Variants in SLC25A37 observed in about 807,000 individuals in gnomAD.
The protein encoded by SLC25A37 is mitoferrin-1.
In SLC25A37, 17 loss-of-function variants were observed where a neutral mutation model predicts 31.0. The observed-to-expected ratio is 0.55, with a 90% CI of 0.38 to 0.82. SLC25A37 has a LOEUF of 0.82. Ranked by LOEUF, SLC25A37 falls within the 40% of genes least tolerant of loss-of-function variation. The pLI, the probability that SLC25A37 is intolerant of heterozygous loss-of-function variation, is 0.00. For synonymous variants in SLC25A37, 222 were observed against 193.0 expected, an observed-to-expected ratio of 1.15 and a Z score of -1.24; for missense variants, 404 against 465.8, an observed-to-expected ratio of 0.87 and a Z score of 1.22.
At chr8:23,548,256 G>C (rs1473583581) in intron 1 of SLC25A37, among the ~76,000 whole-genome samples, 1 of 152,066 alleles carries the variant, frequency 6.6e-6, no homozygotes, top group African/African-American at 2.4e-5. Flanking sequence ...TCGGTTCACT[G>C]CAACCTCTGC....
Position 23,571,895 on chromosome 8 carries a change from G to T in SLC25A37, c.*40G>T. On this transcript the variant is annotated 3_prime_UTR_variant, in exon 4 of 4. Coordinates refer to ENST00000519973, the MANE Select transcript of SLC25A37 (RefSeq NM_016612.4). ...GAATCTTTTCTTAAAGTCATTCTCT[G>T]CCTGCATCCAGCCCCTTGCCCTCTC... 2 of 1,591,602 alleles carry T rather than the reference G, an allele frequency of 1.3e-6. No homozygotes were observed. Among genetic ancestry groups the T allele is most frequent in the South Asian group, 2.3e-5 (2 of 88,602 alleles).
chr8:23,541,268 G>A (rs1010282858), intron 1 of SLC25A37, among the ~76,000 whole-genome samples: 7 of 152,342 alleles, frequency 4.6e-5, no homozygotes, highest in Admixed American at 2.0e-4. Context: ...GTTTGAGGAC[G>A]TCTGTGGGAT....
At chr8:23,568,745 C>A in intron 3 of SLC25A37, 1 of 268,934 alleles carries the variant, frequency 3.7e-6, no homozygotes, top group South Asian at 4.2e-5. Context: ...GAGTTCGAGA[C>A]CAGCCTGGCC....
rs1216781759 is a variant in SLC25A37 at position 23,571,658 on chromosome 8, A to G, written c.820A>G (p.Asn274Asp). The G allele has an allele frequency of 1.2e-6, 2 of 1,613,878 alleles. No homozygotes were observed. Among genetic ancestry groups the G allele is most frequent in the Non-Finnish European group, 1.7e-6 (2 of 1,179,904 alleles). The stretch of plus-strand genomic sequence containing the variant: ...GGAGAACGTGGCCCTCTCGCTGGCC[A>G]ACATCAGCGGCCGGCTGTCGGGTAT... The part of the protein sequence containing the change: ...TQENVALSLA[N>D]ISGRLSGMAN... The change falls in exon 4 of 4, where the codon AAC (asparagine) becomes GAC (aspartate). Residue 274 changes from asparagine to aspartate, a missense_variant. Physicochemically the swap from Asn to Asp is conservative, Grantham distance 23. Transcript: ENST00000519973.
At chr8:23,557,391 C>G (rs1179633954) in intron 1 of SLC25A37, among the ~76,000 whole-genome samples, 2 of 152,128 alleles carry the variant, frequency 1.3e-5, no homozygotes, top group Non-Finnish European at 2.9e-5. Context: ...TCTAAGGATG[C>G]TGGAAGGTGA....
chr8:23,528,982 T>A lies in SLC25A37; in HGVS notation c.-21T>A. Reference sequence around the variant, plus strand: ...TCCCTGCCCACCTCCTGCAGCCTCCTGCGCCCCGCCGAGCTGGCGGATGGA... The same window carrying A: ...TCCCTGCCCACCTCCTGCAGCCTCCAGCGCCCCGCCGAGCTGGCGGATGGA... On this transcript the variant is annotated 5_prime_UTR_variant, in exon 1 of 4. Coordinates refer to ENST00000519973, the MANE Select transcript of SLC25A37 (RefSeq NM_016612.4). The A allele has an allele frequency of 2.7e-6, 4 of 1,476,456 alleles. No homozygotes were observed. Among genetic ancestry groups the A allele is most frequent in the Non-Finnish European group, 3.6e-6 (4 of 1,111,796 alleles). The allele number at this position is 1,476,456 out of a possible 1,614,324, so 91.5% of individuals were successfully genotyped here.
intron 1 of SLC25A37, among the ~76,000 whole-genome samples, chr8:23,549,435 CT>C (rs980317972): frequency 6.6e-6 from 1 of 152,222 alleles, no homozygotes; most frequent in African/African-American, 2.4e-5. Context: ...TCCAATACAA[CT>C]TAAATTGACT....
intron 1 of SLC25A37, among the ~76,000 whole-genome samples, chr8:23,556,326 T>C (rs938110113): frequency 6.6e-6 from 1 of 151,290 alleles, no homozygotes. Flanking sequence ...GCTCAAGTGA[T>C]CCTCTCACCT....
chr8:23,528,972 T>A lies in SLC25A37; in HGVS notation c.-31T>A, dbSNP rs760219754. On this transcript the variant is annotated 5_prime_UTR_variant, in exon 1 of 4. Coordinates refer to ENST00000519973, the MANE Select transcript of SLC25A37 (RefSeq NM_016612.4). The stretch of plus-strand genomic sequence containing the variant: ...CCCCTCCCCCTCCCTGCCCACCTCC[T>A]GCAGCCTCCTGCGCCCCGCCGAGCT... 32 of 1,447,306 alleles carry A rather than the reference T, an allele frequency of 2.2e-5. No individual in the cohort carries two copies. The highest frequency in any genetic ancestry group is 2.8e-5 in the Non-Finnish European group (31 of 1,098,176). The allele number at this position is 1,447,306 out of a possible 1,614,324, so 89.7% of individuals were successfully genotyped here. A position where few individuals can be genotyped will look rare whatever the true frequency, so the allele number is the denominator to read the frequency against.
chr8:23,564,891 C>G (rs979355519), intron 1 of SLC25A37, among the ~76,000 whole-genome samples: 1 of 152,132 alleles, frequency 6.6e-6, no homozygotes, highest in African/African-American at 2.4e-5. Context: ...ACCTACCTAC[C>G]TATCTAATCT....
In SLC25A37 at chr8:23,529,348, G is replaced by A; in HGVS notation, c.210+136G>A. The A allele has an allele frequency of 2.7e-6, 2 of 741,066 alleles. No individual in the cohort carries two copies. Among genetic ancestry groups the A allele is most frequent in the Non-Finnish European group, 3.9e-6 (2 of 517,010 alleles). 45.9% of individuals were successfully genotyped at this position (741,066 alleles called of 1,614,324 possible). The stretch of plus-strand genomic sequence containing the variant: ...CCCAGGACCGCGGCTGGCCGGGGTC[G>A]CCCCAGGAGCAGCTGCGCGCAGCCT... On this transcript the variant is annotated intron_variant, in intron 1 of 3. Coordinates refer to ENST00000519973, the MANE Select transcript of SLC25A37 (RefSeq NM_016612.4). This position sits in a 1 kb window ranked among gnomAD's most constrained non-coding sequence, Gnocchi z 4.1.
At chr8:23,532,974 C>T (rs1211480313) in intron 1 of SLC25A37, among the ~76,000 whole-genome samples, 1 of 152,232 alleles carries the variant, frequency 6.6e-6, no homozygotes, top group Non-Finnish European at 1.5e-5. Context: ...CCAAATTGCT[C>T]TAGTTCCTGG....
intron 1 of SLC25A37, among the ~76,000 whole-genome samples, chr8:23,552,853 G>A (rs1023502186): frequency 2.6e-5 from 4 of 152,210 alleles, no homozygotes; most frequent in Admixed American, 6.5e-5. Context: ...AAGTTGGGGA[G>A]GTTGGAGGGG....
At chr8:23,530,544 C>T (rs974392306) in intron 1 of SLC25A37, among the ~76,000 whole-genome samples, 4 of 152,226 alleles carry the variant, frequency 2.6e-5, no homozygotes, top group African/African-American at 7.2e-5. Context: ...TGAGCCATCA[C>T]CCATATGTCC....
At chr8:23,559,369 G>GCA (rs1802453317) in intron 1 of SLC25A37, among the ~76,000 whole-genome samples, 3 of 152,150 alleles carry the variant, frequency 2.0e-5, no homozygotes, top group East Asian at 1.9e-4. Context: ...GTGTGCGCGC[G>GCA]CGCGTGTGTG....
At position 23,573,763 on chromosome 8, in the gene SLC25A37, G is replaced by T. The variant is rs902390405; in HGVS notation, c.*1908G>T. The T allele has an allele frequency of 4.4e-6, 2 of 454,818 alleles. No homozygotes were observed. Among genetic ancestry groups the T allele is most frequent in the African/African-American group, 4.0e-5 (2 of 50,042 alleles). The allele number at this position is 454,818 out of a possible 1,614,324, so 28.2% of individuals were successfully genotyped here. A position where few individuals can be genotyped will look rare whatever the true frequency, so the allele number is the denominator to read the frequency against. ...CCCCGTGAACAGCCCTTTGCAGCTG[G>T]GCTGTGGGGCTTGGCTGCTGCCCTG... On this transcript the variant is annotated 3_prime_UTR_variant, in exon 4 of 4. Coordinates refer to ENST00000519973, the MANE Select transcript of SLC25A37 (RefSeq NM_016612.4).
At chr8:23,530,263 C>T (rs1198893309) in intron 1 of SLC25A37, among the ~76,000 whole-genome samples, 1 of 152,208 alleles carries the variant, frequency 6.6e-6, no homozygotes, top group Non-Finnish European at 1.5e-5. Flanking sequence ...ACCTCCTATC[C>T]TCTGGCTGCA....
At position 23,571,935 on chromosome 8, in the gene SLC25A37, A is replaced by ATT. The variant is rs59804560; in HGVS notation, c.*89_*90dup. 0.12 allele frequency: 156,056 copies of ATT among 1,304,224 alleles called. 3,101 individuals are homozygous for ATT. Among genetic ancestry groups the ATT allele is most frequent in the East Asian group, 0.29 (11,553 of 39,758 alleles). The allele number at this position is 1,304,224 out of a possible 1,614,324, so 80.8% of individuals were successfully genotyped here. A position where few individuals can be genotyped will look rare whatever the true frequency, so the allele number is the denominator to read the frequency against. ...CTTGCCCTCTCCTCACACGTAGATC[A>ATT]TTTTTTTTTTGCAGGGTGCTGCCTA... On this transcript the variant is annotated 3_prime_UTR_variant, in exon 4 of 4. Coordinates refer to ENST00000519973, the MANE Select transcript of SLC25A37 (RefSeq NM_016612.4).
intron 1 of SLC25A37, among the ~76,000 whole-genome samples, chr8:23,532,433 T>C (rs1198850567): frequency 1.3e-5 from 2 of 152,146 alleles, no homozygotes; most frequent in Non-Finnish European, 2.9e-5. Flanking sequence ...CAAGGGGCAC[T>C]TGGGGTGGAT....
Sources: gnomAD v4.1 joint callset for allele counts (sites outside exome capture counted in the v4.1 genomes callset) on GRCh38, gnomAD v4.1.1 for gene constraint, Gnocchi (gnomAD v3.1) non-coding constraint, MANE v1.5 for transcripts, NCBI Gene and HGNC (gene_info 2026-07-23, HGNC 2026-07-21) for gene names.